NSL1: variants seen among roughly 807,000 people sequenced by gnomAD.
The protein encoded by NSL1 is NSL1 component of MIS12 kinetochore complex.
Under a neutral mutation model 25.4 loss-of-function variants are expected in NSL1, and 11 were observed. The observed-to-expected ratio is 0.43, with a 90% CI of 0.27 to 0.72. The LOEUF (loss-of-function observed/expected upper bound fraction) is 0.72. NSL1 is among the 30% of genes least tolerant of loss of function. NSL1 has a pLI of 0.19. For synonymous variants in NSL1, 118 were observed against 120.6 expected, an observed-to-expected ratio of 0.98 and a Z score of 0.14; for missense variants, 330 against 342.7, an observed-to-expected ratio of 0.96 and a Z score of 0.29.
intron 4 of NSL1, chr1:212,781,909 G>C (rs779694138): frequency 9.5e-6 from 3 of 316,870 alleles, no homozygotes; most frequent in South Asian, 2.8e-5. Flanking sequence ...ACAAAACTGA[G>C]TTCAAAGGCA....
At chr1:212,765,016 C>T (rs145538235) in intron 4 of NSL1, among the ~76,000 whole-genome samples, 1,707 of 151,806 alleles carry the variant, frequency 0.011, 15 homozygotes, top group Non-Finnish European at 0.018. Flanking sequence ...AAATATATAA[C>T]CCTTCTAGAT....
Position 212,737,886 on chromosome 1 carries a change from C to T in NSL1, c.*522G>A, listed in dbSNP as rs1658298300. ...TTAGCTGAACATGGAGTAACAAAGT[C>T]AAAGCCAGTATTATCATCAGCACAT... On this transcript the variant is annotated 3_prime_UTR_variant, in exon 6 of 6. Transcript: ENST00000366977. 1.1e-5 allele frequency: 11 copies of T among 985,302 alleles called. No homozygotes were observed. Among genetic ancestry groups the T allele is most frequent in the Non-Finnish European group, 1.3e-5 (11 of 829,930 alleles). 61.0% of individuals were successfully genotyped at this position (985,302 alleles called of 1,614,324 possible).
Position 212,729,353 on chromosome 1 carries a change from G to A in NSL1, c.*9055C>T, listed in dbSNP as rs748855337. On this transcript the variant is annotated 3_prime_UTR_variant, in exon 6 of 6. Transcript: ENST00000366977. ...CAAATTGCTTGTGGGCAGGGTCTGTGCCTTGGTTTACAGGTGTACATCCAC... is the reference window on the plus strand; with the variant it reads ...CAAATTGCTTGTGGGCAGGGTCTGTACCTTGGTTTACAGGTGTACATCCAC... The A allele has an allele frequency of 6.1e-6, 6 of 981,072 alleles. No individual in the cohort carries two copies. The highest frequency in any genetic ancestry group is 6.1e-6 in the Non-Finnish European group (5 of 825,960). The allele number at this position is 981,072 out of a possible 1,614,324, so 60.8% of individuals were successfully genotyped here. A position where few individuals can be genotyped will look rare whatever the true frequency, so the allele number is the denominator to read the frequency against.
intron 4 of NSL1, among the ~76,000 whole-genome samples, chr1:212,778,088 A>T (rs989728867): frequency 1.3e-5 from 2 of 151,974 alleles, no homozygotes; most frequent in Non-Finnish European, 1.5e-5. Flanking sequence ...TTATTGATGG[A>T]CTGGGTATGA....
chr1:212,786,129 T>C (rs61829242), intron 2 of NSL1, among the ~76,000 whole-genome samples: 2 of 78,830 alleles, frequency 2.5e-5, no homozygotes, highest in African/African-American at 5.6e-5. Context: ...CCTAGATAGA[T>C]AGATAGAGAG....
Position 212,731,369 on chromosome 1 carries a change from A to G in NSL1, c.*7039T>C. 1 of 981,924 alleles carries G rather than the reference A, an allele frequency of 1.0e-6. No homozygotes were observed. The allele number at this position is 981,924 out of a possible 1,614,324, so 60.8% of individuals were successfully genotyped here. A position where few individuals can be genotyped will look rare whatever the true frequency, so the allele number is the denominator to read the frequency against. On this transcript the variant is annotated 3_prime_UTR_variant, in exon 6 of 6. Coordinates refer to ENST00000366977, the MANE Select transcript of NSL1 (RefSeq NM_015471.4). ...CCAGGAATTCAAGACCAGCCGGGGC[A>G]ATATGGCGAGACCCCATCTCTAAAA...
intron 4 of NSL1, 97 bp downstream of exon 4, chr1:212,782,275 G>T: frequency 1.2e-6 from 1 of 851,744 alleles, no homozygotes; most frequent in Admixed American, 1.9e-5. Context: ...ATCAAAGGGA[G>T]AATATCCTTG....
At chr1:212,757,936 G>A (rs1345104491) in intron 4 of NSL1, among the ~76,000 whole-genome samples, 1 of 152,188 alleles carries the variant, frequency 6.6e-6, no homozygotes, top group Non-Finnish European at 1.5e-5. Flanking sequence ...TGTTTCCAAG[G>A]TAAAGGCAGC....
intron 4 of NSL1, among the ~76,000 whole-genome samples, chr1:212,743,569 C>T (rs1317540797): frequency 6.6e-6 from 1 of 151,728 alleles, no homozygotes; most frequent in Non-Finnish European, 1.5e-5. Context: ...TTCTTAAATA[C>T]CTTGTATATA....
intron 3 of NSL1, among the ~76,000 whole-genome samples, chr1:212,783,329 C>T (rs570226430): frequency 5.9e-5 from 9 of 151,666 alleles, no homozygotes; most frequent in African/African-American, 2.2e-4. Context: ...ACAAGGGCAA[C>T]ACTGAAAAAT....
In NSL1 at chr1:212,733,431, CACA is replaced by C. The variant is rs751561888; in HGVS notation, c.*4974_*4976del. On this transcript the variant is annotated 3_prime_UTR_variant, in exon 6 of 6. Coordinates refer to ENST00000366977, the MANE Select transcript of NSL1 (RefSeq NM_015471.4). ...TGGGCAACACAGCAAGACCTTGTTT[CACA>C]AAAAAAAAAAAAAAAAAATCCCATA... 6.0e-4 allele frequency among the ~76,000 whole-genome samples: 19 copies of C among 31,750 alleles called. No individual in the cohort carries two copies. The highest frequency in any genetic ancestry group is 3.1e-3 in the Admixed American group (8 of 2,584). 20.8% of individuals were successfully genotyped at this position (31,750 alleles called of 152,430 possible). A position where few individuals can be genotyped will look rare whatever the true frequency, so the allele number is the denominator to read the frequency against.
At chr1:212,753,085 T>C (rs1296734496) in intron 4 of NSL1, among the ~76,000 whole-genome samples, 1 of 152,228 alleles carries the variant, frequency 6.6e-6, no homozygotes, top group Non-Finnish European at 1.5e-5. Context: ...CAGTGATTTG[T>C]GATTTTCTGA....
chr1:212,780,910 G>C (rs1011647956), intron 4 of NSL1, among the ~76,000 whole-genome samples: 1 of 151,966 alleles, frequency 6.6e-6, no homozygotes, highest in East Asian at 1.9e-4. Context: ...GTAATATTTA[G>C]TGCAGAGCTG....
At chr1:212,777,060 T>A (rs1245809806) in intron 4 of NSL1, among the ~76,000 whole-genome samples, 61 of 137,080 alleles carry the variant, frequency 4.4e-4, no homozygotes, top group Non-Finnish European at 6.4e-4. Context: ...CTGAAAAGAC[T>A]AAAAAAAAAA....
intron 4 of NSL1, among the ~76,000 whole-genome samples, chr1:212,769,280 G>C (rs1323596588): frequency 6.6e-6 from 1 of 152,114 alleles, no homozygotes; most frequent in Non-Finnish European, 1.5e-5. Context: ...TCTGCAAATA[G>C]ATTGAATCCC....
intron 4 of NSL1, among the ~76,000 whole-genome samples, chr1:212,751,524 A>C (rs1236928204): frequency 6.6e-6 from 1 of 152,264 alleles, no homozygotes; most frequent in African/African-American, 2.4e-5. Flanking sequence ...AATGGTAAAA[A>C]GTTAGCTTCA....
At chr1:212,779,749 C>T (rs1296315497) in intron 4 of NSL1, among the ~76,000 whole-genome samples, 1 of 83,130 alleles carries the variant, frequency 1.2e-5, no homozygotes, top group African/African-American at 4.1e-5. Context: ...GTCAGCCCCC[C>T]GCCCAGCCAG....
chr1:212,784,296 G>GCCTT (rs1660850686), intron 3 of NSL1, 67 bp downstream of exon 3: 2 of 1,098,370 alleles, frequency 1.8e-6, no homozygotes, highest in Non-Finnish European at 2.6e-6. Flanking sequence ...TCCACGTAGA[G>GCCTT]CCTTATATTT....
At chr1:212,778,054 T>C (rs1238565401) in intron 4 of NSL1, among the ~76,000 whole-genome samples, 1 of 152,182 alleles carries the variant, frequency 6.6e-6, no homozygotes, top group African/African-American at 2.4e-5. Context: ...AATGTGAGAT[T>C]ATATTAAGAA....
Sources: gnomAD v4.1 joint callset for allele counts (sites outside exome capture counted in the v4.1 genomes callset) on GRCh38, gnomAD v4.1.1 for gene constraint, MANE v1.5 for transcripts, NCBI Gene and HGNC (gene_info 2026-07-23, HGNC 2026-07-21) for gene names.